WDPCP: variants seen among roughly 807,000 people sequenced by gnomAD.
The protein encoded by WDPCP is WD repeat-containing and planar cell polarity effector protein fritz homolog.
In WDPCP, 71 loss-of-function variants were observed where a neutral mutation model predicts 93.1. The ratio of observed to expected loss-of-function variants is 0.76; its 90% CI spans 0.63 to 0.93. The LOEUF is 0.93. Ranked by LOEUF, WDPCP falls within the 40% of genes least tolerant of loss-of-function variation. The pLI is 0.00. For synonymous variants in WDPCP, 315 were observed against 315.0 expected (o/e 1.00, Z 0.00); for missense variants, 844 against 887.4 (o/e 0.95, Z 0.62).
At chr2:63,707,652 T>G (rs1669186007) in intron 2 of WDPCP, among the ~76,000 whole-genome samples, 1 of 152,228 alleles carries the variant, frequency 6.6e-6, no homozygotes, top group African/African-American at 2.4e-5. Flanking sequence ...TCGTCCAGCT[T>G]TGTTCCGTTG....
At chr2:63,692,814 A>G (rs1668909082) in intron 2 of WDPCP, among the ~76,000 whole-genome samples, 1 of 152,202 alleles carries the variant, frequency 6.6e-6, no homozygotes, top group African/African-American at 2.4e-5. Context: ...TGTATTATGT[A>G]CTATCTTATA....
intron 13 of WDPCP, among the ~76,000 whole-genome samples, chr2:63,288,625 C>T (rs550082369): frequency 3.0e-4 from 45 of 152,308 alleles, no homozygotes; most frequent in African/African-American, 9.4e-4. Flanking sequence ...AATACCTCAG[C>T]GTTTCTTTTC....
In WDPCP at chr2:63,197,932, G is replaced by A. The variant is rs552869087; in HGVS notation, c.1916-23100C>T. Among the ~76,000 whole-genome samples, 21 of 152,250 alleles carry A rather than the reference G, an allele frequency of 1.4e-4. No homozygotes were observed. In the South Asian group the frequency reaches 3.5e-3, roughly 26 times the overall value. On this transcript the variant is annotated intron_variant, in intron 14 of 17. Transcript: ENST00000272321. ...TGCAAAGTCCCTTTTGCCATGTAAC[G>A]TAGCATATTGACAGGTTCTAGGGAT...
chr2:63,678,238 G>C (rs1470499407), intron 2 of WDPCP, among the ~76,000 whole-genome samples: 1 of 152,128 alleles, frequency 6.6e-6, no homozygotes, highest in African/African-American at 2.4e-5. Context: ...GTACATCCAG[G>C]CATCACAGTC....
chr2:63,138,165 G>A (rs1670779433), intron 17 of WDPCP, among the ~76,000 whole-genome samples: 1 of 142,866 alleles, frequency 7.0e-6, no homozygotes. Context: ...ATAAAAAATT[G>A]CACTGCAGTG....
chr2:63,333,779 CCTCAGGA>C (rs1688155416), intron 12 of WDPCP, among the ~76,000 whole-genome samples: 1 of 152,150 alleles, frequency 6.6e-6, no homozygotes, highest in African/African-American at 2.4e-5. Flanking sequence ...GGGCACATGT[CCTCAGGA>C]CCTCCGGAGG....
intron 7 of WDPCP, chr2:63,437,824 C>G (rs1376691571): frequency 6.3e-7 from 1 of 1,574,936 alleles, no homozygotes; most frequent in Non-Finnish European, 8.6e-7. Flanking sequence ...TATTTAGAAA[C>G]AGGGCTATAA....
chr2:63,159,785 G>T (rs1672524901), intron 15 of WDPCP, among the ~76,000 whole-genome samples: 1 of 152,162 alleles, frequency 6.6e-6, no homozygotes, highest in Non-Finnish European at 1.5e-5. Context: ...CTGGGTGATA[G>T]TTTATCTATC....
At chr2:63,334,118 G>A (rs919893067) in intron 12 of WDPCP, among the ~76,000 whole-genome samples, 8 of 152,094 alleles carry the variant, frequency 5.3e-5, no homozygotes, top group Non-Finnish European at 8.8e-5. Flanking sequence ...TACAATTGCC[G>A]GCTTAACAAT....
intron 2 of WDPCP, among the ~76,000 whole-genome samples, chr2:63,783,003 A>G (rs1231638006): frequency 6.6e-6 from 1 of 152,164 alleles, no homozygotes; most frequent in Non-Finnish European, 1.5e-5. Context: ...GTAAATTAGT[A>G]CAACCTCTAT....
chr2:63,165,642 C>T (rs923199463), intron 15 of WDPCP, among the ~76,000 whole-genome samples: 1 of 150,526 alleles, frequency 6.6e-6, no homozygotes, highest in Admixed American at 6.7e-5. Context: ...TGGTGTGCTT[C>T]AGATTTCTAA....
At chr2:63,606,480 T>C (rs1709530666) in intron 3 of WDPCP, among the ~76,000 whole-genome samples, 1 of 152,236 alleles carries the variant, frequency 6.6e-6, no homozygotes, top group Admixed American at 6.5e-5. Context: ...CTTCAGGTCA[T>C]TGAAAGTTTT....
At chr2:63,537,447 C>T (rs755717951) in intron 1 of WDPCP, among the ~76,000 whole-genome samples, 1 of 152,178 alleles carries the variant, frequency 6.6e-6, no homozygotes, top group Non-Finnish European at 1.5e-5. Flanking sequence ...GCCTTAATGA[C>T]TACACATTGC....
chr2:63,836,751 C>T, the WDPCP span, among the ~76,000 whole-genome samples: 1 of 152,122 alleles, frequency 6.6e-6, no homozygotes, highest in Non-Finnish European at 1.5e-5. Context: ...CCATTTCTCA[C>T]CAACACTCTC....
At chr2:63,189,095 T>C (rs1674852653) in intron 14 of WDPCP, among the ~76,000 whole-genome samples, 1 of 152,158 alleles carries the variant, frequency 6.6e-6, no homozygotes, top group Non-Finnish European at 1.5e-5. Flanking sequence ...GCCGTTTCTG[T>C]TGTAGTCCTC....
chr2:63,722,426 A>G (rs1157340699), intron 2 of WDPCP, among the ~76,000 whole-genome samples: 1 of 127,100 alleles, frequency 7.9e-6, no homozygotes, highest in Admixed American at 7.9e-5. Context: ...CCGCGACCCC[A>G]TCTGGGAGGT....
intron 14 of WDPCP, among the ~76,000 whole-genome samples, chr2:63,203,074 T>C (rs892787842): frequency 3.3e-5 from 5 of 152,208 alleles, no homozygotes; most frequent in Admixed American, 6.5e-5. Flanking sequence ...GTATAAACTT[T>C]TAATACTTAG....
At chr2:63,142,915 CATACATAT>C (rs1559150241) in intron 17 of WDPCP, among the ~76,000 whole-genome samples, 1 of 132,194 alleles carries the variant, frequency 7.6e-6, no homozygotes, top group East Asian at 2.8e-4. Context: ...TATATATACA[CATACATAT>C]ACACACACAC....
intron 17 of WDPCP, among the ~76,000 whole-genome samples, chr2:63,129,566 G>A (rs1448963299): frequency 6.6e-6 from 1 of 152,108 alleles, no homozygotes; most frequent in Non-Finnish European, 1.5e-5. Flanking sequence ...CTAACAATTA[G>A]TGATGTTGAA....
Sources: allele counts gnomAD v4.1 joint callset (sites outside exome capture counted in the v4.1 genomes callset), GRCh38; gene constraint gnomAD v4.1.1; transcripts MANE v1.5; gene names NCBI Gene and HGNC (gene_info 2026-07-23, HGNC 2026-07-21).